The following DENND2B variants were observed in gnomAD, a reference collection of about 807,000 sequenced individuals.
DENND2B encodes DENN domain containing 2B, also known as DENN domain-containing protein 2B.
DENND2B carries 32 observed loss-of-function variants against 116.0 expected under a neutral mutation model. The ratio of observed to expected loss-of-function variants is 0.28; its 90% CI spans 0.21 to 0.37. DENND2B has a LOEUF of 0.37. DENND2B is among the 10% of genes least tolerant of loss of function. The probability of loss-of-function intolerance (pLI) is 1.00; values close to 1 mark genes in which losing one functional copy is unlikely to be tolerated. For missense variants in DENND2B, 1,276 were observed against 1,477.7 expected, an observed-to-expected ratio of 0.86 and a Z score of 2.24; for synonymous variants, 588 against 583.9, an observed-to-expected ratio of 1.01 and a Z score of -0.10.
chr11:8,697,875 T>G, intron 16 of DENND2B: 1 of 552,108 alleles, frequency 1.8e-6, no homozygotes, highest in East Asian at 3.5e-5. Flanking sequence ...ACGCCAGTAA[T>G]CCCAACACTT....
intron 3 of DENND2B, among the ~76,000 whole-genome samples, chr11:8,854,870 G>A (rs950738827): frequency 6.6e-5 from 10 of 152,074 alleles, no homozygotes; most frequent in African/African-American, 1.9e-4. Context: ...GTGCCACCAC[G>A]CCCAGCTAAT....
chr11:8,890,480 C>G (rs1337654883), intron 1 of DENND2B, among the ~76,000 whole-genome samples: 1 of 152,038 alleles, frequency 6.6e-6, no homozygotes, highest in Non-Finnish European at 1.5e-5. Context: ...CGAGAAGAAG[C>G]TAAAAACCTT....
intron 7 of DENND2B, 83 bp downstream of exon 7, chr11:8,714,527 C>T (rs1234853075): frequency 2.5e-6 from 3 of 1,192,760 alleles, no homozygotes; most frequent in African/African-American, 1.5e-5. Flanking sequence ...GGGCTCTACC[C>T]TCCACAGGTA....
At chr11:8,734,370 G>T (rs985882776) in intron 2 of DENND2B, among the ~76,000 whole-genome samples, 2 of 152,020 alleles carry the variant, frequency 1.3e-5, no homozygotes, top group African/African-American at 4.8e-5. Flanking sequence ...TCAAGAGAGG[G>T]TAAGAACATC....
At chr11:8,698,283 TG>T (rs2040820059) in intron 16 of DENND2B, among the ~76,000 whole-genome samples, 1 of 151,718 alleles carries the variant, frequency 6.6e-6, no homozygotes, top group Admixed American at 6.6e-5. Flanking sequence ...ACAGTTGGCT[TG>T]GGGCAGGGGG....
At chr11:8,700,053 G>A (rs113173503) in intron 14 of DENND2B, 99 of 435,494 alleles carry the variant, frequency 2.3e-4, no homozygotes, top group African/African-American at 1.7e-3. Context: ...ACAGCCCCAC[G>A]GGAGCTGGCC....
At position 8,707,162 on chromosome 11, in the gene DENND2B, T is replaced by C. The variant is rs201383978; in HGVS notation, c.2494A>G (p.Ser832Gly). 6.8e-6 allele frequency: 11 copies of C among 1,613,720 alleles called. No individual in the cohort carries two copies. In the African/African-American group the frequency reaches 9.3e-5, roughly 14 times the overall value. Reference protein sequence around the residue: ...SAALVYPFMRSLMESPFPAPG... With the variant: ...SAALVYPFMRGLMESPFPAPG... ...GCTGGGAAGGGCGACTCCATGAGAC[T>C]TCTCATGAAAGGATAGACCAATGCA... The change falls in exon 13 of 20, where the codon AGT becomes GGT. Residue 832 changes from serine to glycine, a missense_variant. Ser to Gly is a moderately conservative substitution (Grantham distance 56). Around this residue, in one of 2 missense-constraint regions of DENND2B, gnomAD observed 420 missense variants for 631.1 expected, o/e 0.67. Coordinates refer to ENST00000313726, the MANE Select transcript of DENND2B (RefSeq NM_213618.2). The surrounding 1 kb of genome is among the most constrained non-coding windows in gnomAD (Gnocchi z 4.8).
At chr11:8,782,944 C>T (rs867839832) in intron 1 of DENND2B, among the ~76,000 whole-genome samples, 11 of 150,256 alleles carry the variant, frequency 7.3e-5, no homozygotes, top group South Asian at 4.2e-4. Context: ...ACATAGCTTT[C>T]GAACCAGTAA....
intron 3 of DENND2B, among the ~76,000 whole-genome samples, chr11:8,853,169 G>A (rs1163143368): frequency 6.6e-6 from 1 of 152,100 alleles, no homozygotes; most frequent in Non-Finnish European, 1.5e-5. Context: ...TTCGAGACCG[G>A]CCTGGCCAAC....
chr11:8,724,295 C>CA (rs879914640), intron 4 of DENND2B, among the ~76,000 whole-genome samples: 1,578 of 126,836 alleles, frequency 0.012, 26 homozygotes, highest in African/African-American at 0.04. Context: ...GACTCCGTCT[C>CA]AAAAAAAAAA....
intron 4 of DENND2B, among the ~76,000 whole-genome samples, chr11:8,821,095 G>A (rs1490620401): frequency 6.7e-6 from 1 of 150,316 alleles, no homozygotes; most frequent in Admixed American, 6.6e-5. Flanking sequence ...ATTCCAGCCT[G>A]GGCAACAGAG....
chr11:8,714,134 G>T (rs2044289601), intron 7 of DENND2B, 92 bp from the exon 8 acceptor site: 3 of 1,288,336 alleles, frequency 2.3e-6, no homozygotes, highest in Middle Eastern at 1.8e-4. Flanking sequence ...ACAGGGGATG[G>T]ATCTCTACCT....
intron 2 of DENND2B, among the ~76,000 whole-genome samples, chr11:8,860,229 T>C (rs2063346767): frequency 6.6e-6 from 1 of 152,062 alleles, no homozygotes; most frequent in Non-Finnish European, 1.5e-5. Context: ...GCATCCAAAT[T>C]GGAAAACAGG....
chr11:8,854,016 ATTTTTTTTTTTTTTT>A (rs71059187), intron 3 of DENND2B, among the ~76,000 whole-genome samples: 15 of 62,776 alleles, frequency 2.4e-4, no homozygotes, highest in South Asian at 7.7e-4. Flanking sequence ...GCCCCAGTTA[ATTTTTTTTTTTTTTT>A]TTTTTTTTTT....
At chr11:8,833,203 C>T (rs2062286324) in intron 4 of DENND2B, among the ~76,000 whole-genome samples, 1 of 152,142 alleles carries the variant, frequency 6.6e-6, no homozygotes, top group Non-Finnish European at 1.5e-5. Flanking sequence ...CTGTTAGTAC[C>T]ACAGCTCCCA....
intron 19 of DENND2B, 145 bp from the exon 20 acceptor site, chr11:8,694,275 T>A: frequency 1.1e-6 from 1 of 928,104 alleles, no homozygotes; most frequent in Non-Finnish European, 1.6e-6. Context: ...TCCAGGGTAG[T>A]GAAAACACGT....
Position 8,730,241 on chromosome 11 carries a change from G to T in DENND2B, c.1049C>A (p.Pro350Gln), listed in dbSNP as rs1239777925. 6.2e-7 allele frequency: 1 copy of T among 1,612,170 alleles called. No individual in the cohort carries two copies. The change falls in exon 3 of 20, where the codon CCA (proline) becomes CAA (glutamine). Residue 350 changes from proline to glutamine, a missense_variant. By Grantham distance (76) the Pro-to-Gln change is moderately conservative. Around this residue, in one of 2 missense-constraint regions of DENND2B, gnomAD observed 856 missense variants for 846.6 expected, o/e 1.01. Coordinates refer to ENST00000313726, the MANE Select transcript of DENND2B (RefSeq NM_213618.2). This position sits in a 1 kb window ranked among gnomAD's most constrained non-coding sequence, Gnocchi z 4.1. ...ACCACTGCCTTCCCTCTCTGGGGGT[G>T]GGCCCGCCTCCCCCGCAACACCAGC... ...GVAGVAGEAGPPPEREGSGST... is the reference protein window; with the variant it reads ...GVAGVAGEAGQPPEREGSGST...
At chr11:8,841,342 C>G (rs1463065461) in intron 3 of DENND2B, among the ~76,000 whole-genome samples, 1 of 151,966 alleles carries the variant, frequency 6.6e-6, no homozygotes, top group African/African-American at 2.4e-5. Context: ...AACAAACAAA[C>G]AAAACGTGTG....
chr11:8,708,234 T>C, intron 11 of DENND2B: 1 of 985,448 alleles, frequency 1.0e-6, no homozygotes, highest in Non-Finnish European at 1.2e-6. Flanking sequence ...CTAGGGTACA[T>C]CCTTAGGACA....
Sources: gnomAD v4.1 joint callset for allele counts (sites outside exome capture counted in the v4.1 genomes callset) on GRCh38, gnomAD v4.1.1 for gene constraint, gnomAD v4.1.1 regional missense constraint, Gnocchi (gnomAD v3.1) non-coding constraint, MANE v1.5 for transcripts, NCBI Gene and HGNC (gene_info 2026-07-23, HGNC 2026-07-21) for gene names.